The following GPR158 variants were observed in gnomAD, a reference collection of about 807,000 sequenced individuals.
GPR158 encodes metabotropic glycine receptor.
Under a neutral mutation model 78.2 loss-of-function variants are expected in GPR158, and 30 were observed. That is an observed-to-expected ratio of 0.38 (90% CI 0.29 to 0.52). The LOEUF (loss-of-function observed/expected upper bound fraction) is 0.52, where lower values mean the gene tolerates loss of function less well. Ranked by LOEUF, GPR158 falls within the 20% of genes least tolerant of loss-of-function variation. The pLI, the probability that GPR158 is intolerant of heterozygous loss-of-function variation, is 0.83. For missense variants in GPR158, 1,463 were observed against 1,523.5 expected (o/e 0.96, Z 0.66); for synonymous variants, 581 against 591.1 (o/e 0.98, Z 0.25).
chr10:25,203,326 C>T (rs1852963676), intron 1 of GPR158, among the ~76,000 whole-genome samples: 1 of 152,160 alleles, frequency 6.6e-6, no homozygotes, highest in African/African-American at 2.4e-5. Flanking sequence ...GAAGTCCTTG[C>T]CCATGCCTAT....
chr10:25,368,193 T>A (rs1833925483), intron 2 of GPR158, among the ~76,000 whole-genome samples: 1 of 151,868 alleles, frequency 6.6e-6, no homozygotes, highest in Admixed American at 6.6e-5. Context: ...ACTTCCCTTC[T>A]CCAGTTTTGT....
intron 4 of GPR158, among the ~76,000 whole-genome samples, chr10:25,451,338 CT>C (rs776624499): frequency 6.6e-6 from 1 of 152,122 alleles, no homozygotes; most frequent in Non-Finnish European, 1.5e-5. Flanking sequence ...CAGTATCAGT[CT>C]TTTTAACTTT....
chr10:25,532,430 C>A (rs1278362562), intron 5 of GPR158, among the ~76,000 whole-genome samples: 2 of 152,064 alleles, frequency 1.3e-5, no homozygotes, highest in Non-Finnish European at 1.5e-5. Context: ...TTTCATGTTT[C>A]TTCTCAAAAT....
chr10:25,483,853 C>G (rs927378324), intron 5 of GPR158, among the ~76,000 whole-genome samples: 3 of 152,036 alleles, frequency 2.0e-5, no homozygotes, highest in Admixed American at 6.6e-5. Context: ...GTAAATCTTT[C>G]AAGACCAAGA....
chr10:25,301,607 A>G (rs1854594771), intron 2 of GPR158, among the ~76,000 whole-genome samples: 1 of 151,674 alleles, frequency 6.6e-6, no homozygotes, highest in African/African-American at 2.4e-5. Context: ...GTAGAAAGGT[A>G]TTGAAAAACT....
intron 2 of GPR158, among the ~76,000 whole-genome samples, chr10:25,371,796 G>A (rs1193089354): frequency 3.0e-5 from 4 of 134,304 alleles, no homozygotes; most frequent in Non-Finnish European, 6.5e-5. Context: ...ATAGGCAAGG[G>A]CAAAGACTTC....
At chr10:25,533,133 A>G (rs1379755062) in intron 5 of GPR158, among the ~76,000 whole-genome samples, 1 of 152,114 alleles carries the variant, frequency 6.6e-6, no homozygotes, top group Non-Finnish European at 1.5e-5. Context: ...GCTATTTCTT[A>G]TGGATGTTTA....
At chr10:25,194,125 G>A (rs762764957) in intron 1 of GPR158, among the ~76,000 whole-genome samples, 7 of 152,188 alleles carry the variant, frequency 4.6e-5, no homozygotes, top group Non-Finnish European at 1.0e-4. Flanking sequence ...GGCAAGTCTG[G>A]TTATCTGGCA....
intron 2 of GPR158, among the ~76,000 whole-genome samples, chr10:25,384,879 G>A (rs912239109): frequency 9.2e-5 from 14 of 152,172 alleles, no homozygotes; most frequent in South Asian, 4.1e-4. Flanking sequence ...ACATCATGCC[G>A]ATTGCAATAC....
intron 5 of GPR158, among the ~76,000 whole-genome samples, chr10:25,489,951 G>A (rs1835782570): frequency 6.6e-6 from 1 of 152,044 alleles, no homozygotes; most frequent in African/African-American, 2.4e-5. Context: ...TTACTGACTA[G>A]TACACAGACA....
intron 2 of GPR158, among the ~76,000 whole-genome samples, chr10:25,349,362 T>G (rs1387951945): frequency 7.8e-6 from 1 of 127,812 alleles, no homozygotes; most frequent in African/African-American, 4.6e-5. Context: ...GATCCTTAAC[T>G]TAAACACATT....
At chr10:25,382,022 A>G (rs528729112) in intron 2 of GPR158, among the ~76,000 whole-genome samples, 16 of 152,170 alleles carry the variant, frequency 1.1e-4, no homozygotes, top group Non-Finnish European at 2.1e-4. Context: ...AAATTCTGTC[A>G]AGAGTGAAAA....
chr10:25,422,850 A>ACCCCCCCCCCCCCCCTTCCCCC (rs11424448), intron 4 of GPR158, among the ~76,000 whole-genome samples: 1 of 130,274 alleles, frequency 7.7e-6, no homozygotes, highest in Non-Finnish European at 1.6e-5. Context: ...TTATTCCCTT[A>ACCCCCCCCCCCCCCCTTCCCCC]CCCCCCCCAC....
chr10:25,194,564 T>G (rs1257329954), intron 1 of GPR158, among the ~76,000 whole-genome samples: 1 of 151,660 alleles, frequency 6.6e-6, no homozygotes, highest in African/African-American at 2.4e-5. Context: ...AAATAAAGAA[T>G]GGAAGAGCCA....
Position 25,175,892 on chromosome 10 carries a change from CA to C in GPR158, c.473del (p.Gln158ArgfsTer147). The C allele has an allele frequency of 6.2e-7, 1 of 1,613,878 alleles. No individual in the cohort carries two copies. Among genetic ancestry groups the C allele is most frequent in the Non-Finnish European group, 8.5e-7 (1 of 1,179,996 alleles). ...QNLQDDLDWYQALVWSLLEGE... is the reference protein window; with the variant it reads ...QNLQDDLDWYXALVWSLLEGE... Reference sequence around the variant, plus strand: ...CTTGCAGGACGACCTGGATTGGTACCAGGCGCTGGTGTGGAGCCTTCTGGAG... The same window carrying C: ...CTTGCAGGACGACCTGGATTGGTACCGGCGCTGGTGTGGAGCCTTCTGGAG... On this transcript the variant is annotated frameshift_variant, in exon 1 of 11. Coordinates refer to ENST00000376351, the MANE Select transcript of GPR158 (RefSeq NM_020752.3). LOFTEE classifies it high-confidence loss of function. The surrounding 1 kb of genome is among the most constrained non-coding windows in gnomAD (Gnocchi z 6.4).
intron 2 of GPR158, among the ~76,000 whole-genome samples, chr10:25,222,535 T>G (rs1853313027): frequency 6.6e-6 from 1 of 152,170 alleles, no homozygotes; most frequent in Non-Finnish European, 1.5e-5. Context: ...AATTAAGCTC[T>G]TCTTTTTGTC....
chr10:25,189,717 A>G (rs1588725894), intron 1 of GPR158, among the ~76,000 whole-genome samples: 1 of 151,966 alleles, frequency 6.6e-6, no homozygotes, highest in African/African-American at 2.4e-5. Flanking sequence ...GCACACCAAC[A>G]TGGCACATGT....
intron 1 of GPR158, among the ~76,000 whole-genome samples, chr10:25,217,981 C>G (rs531143438): frequency 2.0e-5 from 3 of 152,114 alleles, no homozygotes; most frequent in South Asian, 2.1e-4. Flanking sequence ...CCTGAGATGC[C>G]CACTCGGGAC....
intron 2 of GPR158, among the ~76,000 whole-genome samples, chr10:25,240,464 G>A (rs560461745): frequency 5.6e-4 from 86 of 152,222 alleles, no homozygotes; most frequent in African/African-American, 2.0e-3. Context: ...AGCCTAGATC[G>A]TGCCATCCAG....
Sources: allele counts gnomAD v4.1 joint callset (sites outside exome capture counted in the v4.1 genomes callset), GRCh38; gene constraint gnomAD v4.1.1; non-coding constraint Gnocchi (gnomAD v3.1); transcripts MANE v1.5; gene names NCBI Gene and HGNC (gene_info 2026-07-23, HGNC 2026-07-21).